Variants in ARPC3 observed in about 807,000 individuals in gnomAD.
ARPC3 encodes actin related protein 2/3 complex subunit 3.
A neutral mutation model predicts 27.6 loss-of-function variants in ARPC3; 12 were observed. The observed-to-expected ratio is 0.43, with a 90% CI of 0.28 to 0.70. The LOEUF (loss-of-function observed/expected upper bound fraction) is 0.70. Among genes scored for constraint, ARPC3 ranks in the 30% least tolerant of loss-of-function variants. The pLI, the probability that ARPC3 is intolerant of heterozygous loss-of-function variation, is 0.17. For missense variants in ARPC3, 153 were observed against 207.7 expected (o/e 0.74, Z 1.62); for synonymous variants, 53 against 67.2 (o/e 0.79, Z 1.03).
At chr12:110,442,327 G>A (rs916622591) in intron 2 of ARPC3, among the ~76,000 whole-genome samples, 1 of 152,154 alleles carries the variant, frequency 6.6e-6, no homozygotes, top group Non-Finnish European at 1.5e-5. Flanking sequence ...AAAGTATTCA[G>A]TCGGGCGCAG....
At position 110,440,379 on chromosome 12, in the gene ARPC3, G is replaced by C. The variant is rs758795905; in HGVS notation, c.116C>G (p.Thr39Arg). ...KGPAPRETKD[T>R]DIVDEAIYYF... ...ATAGATGGCTTCATCCACAATATCT[G>C]TATCTTTTGCTAAGCAGGACACAAG... Residue 39 changes from threonine to arginine, a missense_variant, in exon 3 of 7, where the codon ACA (threonine) becomes AGA (arginine). Coordinates refer to ENST00000228825, the MANE Select transcript of ARPC3 (RefSeq NM_001278556.2). 8.1e-6 allele frequency: 13 copies of C among 1,609,334 alleles called. No homozygotes were observed. The South Asian group carries it at 1.1e-4, about 14-fold the overall frequency.
At chr12:110,438,920 A>G (rs1320441125) in intron 3 of ARPC3, among the ~76,000 whole-genome samples, 1 of 151,634 alleles carries the variant, frequency 6.6e-6, no homozygotes, top group African/African-American at 2.4e-5. Flanking sequence ...GGGCAGAGGC[A>G]CTGCGCCCAG....
At position 110,434,940 on chromosome 12, in the gene ARPC3, T is replaced by G. The variant is rs1369797344; in HGVS notation, c.*215A>C. 1.4e-6 allele frequency: 1 copy of G among 704,324 alleles called. No individual in the cohort carries two copies. 43.6% of individuals were successfully genotyped at this position (704,324 alleles called of 1,614,324 possible). ...TTTCTTTATTATTACTTATTCTTAT[T>G]AAGCGCCAGCTTTAATGCTGCAGAA... On this transcript the variant is annotated 3_prime_UTR_variant, in exon 7 of 7. Coordinates refer to ENST00000228825, the MANE Select transcript of ARPC3 (RefSeq NM_001278556.2).
At chr12:110,441,650 C>T (rs891088705) in intron 2 of ARPC3, among the ~76,000 whole-genome samples, 3 of 151,938 alleles carry the variant, frequency 2.0e-5, no homozygotes, top group Admixed American at 6.6e-5. Context: ...CCTGCTTCAG[C>T]TTCCCAGGTA....
At position 110,450,297 on chromosome 12, in the gene ARPC3, A is replaced by C; in HGVS notation, c.-37T>G. 1 of 1,613,844 alleles carries C rather than the reference A, an allele frequency of 6.2e-7. No individual in the cohort carries two copies. The highest frequency in any genetic ancestry group is 8.5e-7 in the Non-Finnish European group (1 of 1,179,908). On this transcript the variant is annotated 5_prime_UTR_variant, in exon 1 of 7. Coordinates refer to ENST00000228825, the MANE Select transcript of ARPC3 (RefSeq NM_001278556.2). ...CCGGGTTTCAACCCAGAGGAGCAGG[A>C]TCCAGGTACAGCGGAGCGCTTCCGG...
chr12:110,440,472 A>T (rs1345252580), intron 2 of ARPC3, 84 bp from the exon 3 acceptor site: 5 of 877,764 alleles, frequency 5.7e-6, no homozygotes, highest in Non-Finnish European at 9.8e-6. Context: ...AAGGGAAAAC[A>T]CATACAACTG....
chr12:110,445,630 G>GA, intron 1 of ARPC3, 79 bp from the exon 2 acceptor site: 1 of 1,079,020 alleles, frequency 9.3e-7, no homozygotes, highest in Non-Finnish European at 1.4e-6. Context: ...TCCCTTAAAG[G>GA]AAAAAAAGAG....
chr12:110,436,718 AC>A, intron 4 of ARPC3, 35 bp from the exon 5 acceptor site: 2 of 830,984 alleles, frequency 2.4e-6, no homozygotes, highest in Non-Finnish European at 3.7e-6. Context: ...ATATACACAC[AC>A]ACACACACAC....
intron 2 of ARPC3, 51 bp from the exon 3 acceptor site, chr12:110,440,439 A>C (rs761774755): frequency 2.4e-6 from 3 of 1,231,490 alleles, no homozygotes. Context: ...CAAATACAAA[A>C]CATAACAACT....
At chr12:110,449,944 G>A (rs943770692) in intron 1 of ARPC3, among the ~76,000 whole-genome samples, 2 of 152,164 alleles carry the variant, frequency 1.3e-5, no homozygotes, top group Non-Finnish European at 2.9e-5. Context: ...AAAAAGCGCA[G>A]CCCTTGGCTT....
intron 4 of ARPC3, 71 bp from the exon 5 acceptor site, chr12:110,436,754 AT>A (rs569354322): frequency 9.0e-6 from 10 of 1,110,982 alleles, no homozygotes; most frequent in Middle Eastern, 3.0e-4. Flanking sequence ...ACACACACAC[AT>A]ATTTTACAGG....
At chr12:110,449,806 C>A (rs2062489992) in intron 1 of ARPC3, among the ~76,000 whole-genome samples, 1 of 152,142 alleles carries the variant, frequency 6.6e-6, no homozygotes, top group Non-Finnish European at 1.5e-5. Context: ...CCGGGATGGC[C>A]GCCGCTGCCG....
At chr12:110,450,063 C>T (rs749205857) in intron 1 of ARPC3, among the ~76,000 whole-genome samples, 192 bp downstream of exon 1, 3 of 152,216 alleles carry the variant, frequency 2.0e-5, no homozygotes, top group Non-Finnish European at 4.4e-5. Flanking sequence ...CTGCCGCGCC[C>T]CCGCCTCCCA....
At chr12:110,438,994 TTG>T (rs1425573418) in intron 3 of ARPC3, among the ~76,000 whole-genome samples, 1 of 151,786 alleles carries the variant, frequency 6.6e-6, no homozygotes, top group Non-Finnish European at 1.5e-5. Context: ...GCAGAGTTTT[TTG>T]TTTTTTTTTT....
At chr12:110,445,313 T>C (rs1566297473) in intron 2 of ARPC3, 139 bp downstream of exon 2, 2 of 716,204 alleles carry the variant, frequency 2.8e-6, no homozygotes, top group East Asian at 5.4e-5. Flanking sequence ...TTGAAAGGTC[T>C]AGACCACAGT....
At position 110,450,312 on chromosome 12, in the gene ARPC3, A is replaced by C; in HGVS notation, c.-52T>G. The C allele has an allele frequency of 6.2e-7, 1 of 1,613,320 alleles. No individual in the cohort carries two copies. The highest frequency in any genetic ancestry group is 1.1e-5 in the South Asian group (1 of 90,990). ...GAGGAGCAGGATCCAGGTACAGCGGAGCGCTTCCGGTCTGGCAGCCTGGGC... is the reference window on the plus strand; with the variant it reads ...GAGGAGCAGGATCCAGGTACAGCGGCGCGCTTCCGGTCTGGCAGCCTGGGC... On this transcript the variant is annotated 5_prime_UTR_variant, in exon 1 of 7. Transcript: ENST00000228825.
At chr12:110,442,805 A>T (rs1055344094) in intron 2 of ARPC3, 1 of 152,134 alleles carries the variant, frequency 6.6e-6, no homozygotes, top group Non-Finnish European at 1.5e-5. Context: ...GTAGCTCTAG[A>T]CGGACAAAAG....
At chr12:110,435,273 G>GACC in intron 6 of ARPC3, 56 bp from the exon 7 acceptor site, 1 of 1,324,606 alleles carries the variant, frequency 7.5e-7, no homozygotes, top group Non-Finnish European at 1.1e-6. Flanking sequence ...AATAGAATTT[G>GACC]CATTTATTTA....
At chr12:110,437,364 T>C (rs1453404119) in intron 3 of ARPC3, 5 of 524,600 alleles carry the variant, frequency 9.5e-6, no homozygotes, top group Non-Finnish European at 1.7e-5. Flanking sequence ...CACTCTGAGA[T>C]GTGCAGCTGC....
Sources: allele counts gnomAD v4.1 joint callset (sites outside exome capture counted in the v4.1 genomes callset), GRCh38; gene constraint gnomAD v4.1.1; transcripts MANE v1.5; gene names NCBI Gene and HGNC (gene_info 2026-07-23, HGNC 2026-07-21).